Variants in DNAJB12 observed in about 807,000 individuals in gnomAD.
DNAJB12 encodes the protein dnaJ homolog subfamily B member 12.
Under a neutral mutation model 40.6 loss-of-function variants are expected in DNAJB12, and 14 were observed. The ratio of observed to expected loss-of-function variants is 0.34; its 90% CI spans 0.23 to 0.54. The LOEUF is 0.54. Among genes scored for constraint, DNAJB12 ranks in the 20% least tolerant of loss-of-function variants. The pLI is 0.92. For synonymous variants in DNAJB12, 181 were observed against 199.5 expected (o/e 0.91, Z 0.78); for missense variants, 444 against 501.7 (o/e 0.89, Z 1.10).
Position 72,336,508 on chromosome 10 carries a change from T to A in DNAJB12, c.1006+16A>T. 3 of 1,611,202 alleles carry A rather than the reference T, an allele frequency of 1.9e-6. No homozygotes were observed. Among genetic ancestry groups the A allele is most frequent in the East Asian group, 4.5e-5 (2 of 44,820 alleles). Reference sequence around the variant, plus strand: ...CCACCTCCCAAATACAGCCCCCGCCTTCCCCCCACACTCACTCTGCTGCTT... The same window carrying A: ...CCACCTCCCAAATACAGCCCCCGCCATCCCCCCACACTCACTCTGCTGCTT... On this transcript the variant is annotated intron_variant, in intron 7 of 8. Transcript: ENST00000444643.
At chr10:72,336,307 G>A (rs1232523527) in intron 7 of DNAJB12, among the ~76,000 whole-genome samples, 11 of 152,186 alleles carry the variant, frequency 7.2e-5, no homozygotes, top group Non-Finnish European at 7.3e-5. Context: ...AGTGATTTAC[G>A]GGAACCTGAG....
intron 6 of DNAJB12, 41 bp downstream of exon 6, chr10:72,338,161 C>A: frequency 6.4e-7 from 1 of 1,557,934 alleles, no homozygotes; most frequent in South Asian, 1.1e-5. Context: ...GAATTTAAAG[C>A]CCCTTGTCTG....
At chr10:72,339,796 C>G (rs1861580557) in intron 5 of DNAJB12, among the ~76,000 whole-genome samples, 2 of 151,198 alleles carry the variant, frequency 1.3e-5, no homozygotes, top group Non-Finnish European at 2.9e-5. Flanking sequence ...TCAACACAAC[C>G]TCTGCCTCCT....
In DNAJB12 at chr10:72,344,965, A is replaced by T; in HGVS notation, c.296T>A (p.Val99Asp). ...ACCCATCTACCTTTTCACAGCTGCA[A>T]CCTGTTCTGCAGTGTAGCCTTTGGT... ...ESTKGYTAEQ[V>D]AAVKRVKQCK... Residue 99 changes from valine to aspartate, a missense_variant, in exon 2 of 9, where the codon GTT becomes GAT. Transcript: ENST00000444643. 1 of 1,614,120 alleles carries T rather than the reference A, an allele frequency of 6.2e-7. No individual in the cohort carries two copies. Among genetic ancestry groups the T allele is most frequent in the Non-Finnish European group, 8.5e-7 (1 of 1,180,014 alleles).
chr10:72,341,054 G>T lies in DNAJB12; in HGVS notation c.574C>A (p.Arg192Ser), dbSNP rs759934125. Residue 192 changes from arginine to serine, a missense_variant, in exon 4 of 9, where the codon CGT becomes AGT. Arg to Ser is a moderately radical substitution (Grantham distance 110). Coordinates refer to ENST00000444643, the MANE Select transcript of DNAJB12 (RefSeq NM_017626.7). Reference sequence around the variant, plus strand: ...GGGGAGATGTCGGCCTCAAAGCCACGGTGGAAATCCCCATGCCCATGGCCG... The same window carrying T: ...GGGGAGATGTCGGCCTCAAAGCCACTGTGGAAATCCCCATGCCCATGGCCG... The part of the protein sequence containing the change: ...RHGHGHGDFH[R>S]GFEADISPED... The T allele has an allele frequency of 2.5e-6, 4 of 1,614,174 alleles. No homozygotes were observed. The South Asian group carries it at 3.3e-5, about 13-fold the overall frequency.
intron 2 of DNAJB12, among the ~76,000 whole-genome samples, chr10:72,344,364 C>A (rs1861723718): frequency 6.6e-6 from 1 of 152,310 alleles, no homozygotes; most frequent in African/African-American, 2.4e-5. Context: ...TGTGGCATGA[C>A]CCTGGGGGAT....
In DNAJB12 at chr10:72,354,806, A is replaced by C. The variant is rs1278406701; in HGVS notation, c.92T>G (p.Leu31Arg). ...CGGATACAGCCGCTGTGCCTTCTCCAGGAAGCGGAGCGCCCGGTCGGGCTG... is the reference window on the plus strand; with the variant it reads ...CGGATACAGCCGCTGTGCCTTCTCCCGGAAGCGGAGCGCCCGGTCGGGCTG... ...SNQPDRALRF[L>R]EKAQRLYPTP... The change falls in exon 1 of 9, where the codon CTG becomes CGG. Residue 31 changes from leucine to arginine, a missense_variant. Physicochemically the swap from Leu to Arg is moderately radical, Grantham distance 102. Coordinates refer to ENST00000444643, the MANE Select transcript of DNAJB12 (RefSeq NM_017626.7). 5 of 1,613,864 alleles carry C rather than the reference A, an allele frequency of 3.1e-6. No individual in the cohort carries two copies. Among genetic ancestry groups the C allele is most frequent in the Non-Finnish European group, 4.2e-6 (5 of 1,179,868 alleles).
Position 72,335,862 on chromosome 10 carries a change from C to T in DNAJB12, c.1076G>A (p.Gly359Asp), listed in dbSNP as rs1353367919. The change falls in exon 8 of 9, where the codon GGC (glycine) becomes GAC (aspartate). Residue 359 changes from glycine to aspartate, a missense_variant. Physicochemically the swap from Gly to Asp is moderately conservative, Grantham distance 94. Coordinates refer to ENST00000444643, the MANE Select transcript of DNAJB12 (RefSeq NM_017626.7). This position sits in a 1 kb window ranked among gnomAD's most constrained non-coding sequence, Gnocchi z 4.4. ...TGACAGTCGGCTGCAGCTGGGGGTG[C>T]CCATCTTCTGTGCTCTGTGGTACAT... ...TDMYHRAQKM[G>D]TPSCSRLSEV... is the part of the protein sequence containing the mutation. 6.2e-7 allele frequency: 1 copy of T among 1,614,174 alleles called. No homozygotes were observed. Among genetic ancestry groups the T allele is most frequent in the Non-Finnish European group, 8.5e-7 (1 of 1,180,014 alleles).
At chr10:72,346,995 C>T (rs559812331) in intron 1 of DNAJB12, among the ~76,000 whole-genome samples, 2 of 149,804 alleles carry the variant, frequency 1.3e-5, no homozygotes, top group African/African-American at 2.5e-5. Context: ...GACGGAGTCT[C>T]ACTCTGTTGC....
intron 6 of DNAJB12, 138 bp downstream of exon 6, chr10:72,338,064 T>C: frequency 2.9e-6 from 2 of 678,282 alleles, no homozygotes; most frequent in Non-Finnish European, 5.1e-6. Context: ...AGAGAAAGTA[T>C]ATTTTCTTGA....
intron 3 of DNAJB12, among the ~76,000 whole-genome samples, chr10:72,342,609 C>T (rs1373708918): frequency 6.6e-6 from 1 of 152,202 alleles, no homozygotes; most frequent in East Asian, 1.9e-4. Context: ...TGCAGCACAG[C>T]ACACACCCCG....
intron 1 of DNAJB12, among the ~76,000 whole-genome samples, chr10:72,348,326 C>T (rs761277082): frequency 2.0e-5 from 3 of 152,220 alleles, no homozygotes; most frequent in Non-Finnish European, 2.9e-5. Context: ...ATTCCAGGCA[C>T]GAAACCTCAG....
chr10:72,354,579 G>T (rs888382287), intron 1 of DNAJB12, among the ~76,000 whole-genome samples, 186 bp downstream of exon 1: 2 of 152,176 alleles, frequency 1.3e-5, no homozygotes, highest in African/African-American at 4.8e-5. Flanking sequence ...GTCTCCAGAC[G>T]GCTCGCATCC....
chr10:72,353,161 G>A (rs1283253403), intron 1 of DNAJB12, among the ~76,000 whole-genome samples: 1 of 152,254 alleles, frequency 6.6e-6, no homozygotes, highest in Non-Finnish European at 1.5e-5. Context: ...TCAAGCTCCT[G>A]AACTGGTGCA....
rs1861440997 is a variant in DNAJB12 at position 72,335,350 on chromosome 10, A to G, written c.*30+430T>C. On this transcript the variant is annotated intron_variant, in intron 8 of 8. Transcript: ENST00000444643. This position sits in a 1 kb window ranked among gnomAD's most constrained non-coding sequence, Gnocchi z 4.4. ...TGGTTCTTCCTGGTATCAGGCAGGC[A>G]GTGTGCATATGGGGCTCTCTTGGGC... 1 of 991,708 alleles carries G rather than the reference A, an allele frequency of 1.0e-6. No homozygotes were observed. The highest frequency in any genetic ancestry group is 4.4e-5 in the South Asian group (1 of 22,502). The allele number at this position is 991,708 out of a possible 1,614,324, so 61.4% of individuals were successfully genotyped here.
Position 72,335,406 on chromosome 10 carries a change from G to T in DNAJB12, c.*30+374C>A. 1 of 1,027,846 alleles carries T rather than the reference G, an allele frequency of 9.7e-7. No homozygotes were observed. Among genetic ancestry groups the T allele is most frequent in the Non-Finnish European group, 1.2e-6 (1 of 854,136 alleles). The allele number at this position is 1,027,846 out of a possible 1,614,324, so 63.7% of individuals were successfully genotyped here. On this transcript the variant is annotated intron_variant, in intron 8 of 8. Coordinates refer to ENST00000444643, the MANE Select transcript of DNAJB12 (RefSeq NM_017626.7). The surrounding 1 kb of genome is among the most constrained non-coding windows in gnomAD (Gnocchi z 4.4). Reference sequence around the variant, plus strand: ...CATATGTGATGGCCTAAATACCAGGGCACGGACAATAGTCTGCTGTGCTGG... The same window carrying T: ...CATATGTGATGGCCTAAATACCAGGTCACGGACAATAGTCTGCTGTGCTGG...
Position 72,343,448 on chromosome 10 carries a change from G to T in DNAJB12, c.375C>A (p.Asp125Glu). ...LGVSRGASDEDLKKAYRRLAL... is the reference protein window; with the variant it reads ...LGVSRGASDEELKKAYRRLAL... ...CCAGTCTGCGGTAGGCCTTCTTCAG[G>T]TCCTCATCCGAGGCCCCTCTGCTCA... The change falls in exon 3 of 9, where the codon GAC (aspartate) becomes GAA (glutamate). Residue 125 changes from aspartate (D) to glutamate (E), a missense_variant. By Grantham distance (45) the Asp-to-Glu change is conservative. Transcript: ENST00000444643. 2 of 1,614,172 alleles carry T rather than the reference G, an allele frequency of 1.2e-6. No homozygotes were observed. The highest frequency in any genetic ancestry group is 1.7e-6 in the Non-Finnish European group (2 of 1,180,020).
chr10:72,346,035 T>G (rs1326143034), intron 1 of DNAJB12, among the ~76,000 whole-genome samples: 1 of 152,214 alleles, frequency 6.6e-6, no homozygotes, highest in Admixed American at 6.5e-5. Flanking sequence ...ATTTTTCAGA[T>G]AGTATACTTA....
At chr10:72,353,309 T>G (rs1861979754) in intron 1 of DNAJB12, 1 of 152,184 alleles carries the variant, frequency 6.6e-6, no homozygotes, top group South Asian at 2.1e-4. Flanking sequence ...AGAATATGAA[T>G]TAATTCACAG....
Sources: allele counts gnomAD v4.1 joint callset (sites outside exome capture counted in the v4.1 genomes callset), GRCh38; gene constraint gnomAD v4.1.1; non-coding constraint Gnocchi (gnomAD v3.1); transcripts MANE v1.5; gene names NCBI Gene and HGNC (gene_info 2026-07-23, HGNC 2026-07-21).